CYFIP2: variants seen among roughly 807,000 people sequenced by gnomAD.
The protein encoded by CYFIP2 is cytoplasmic FMR1 interacting protein 2.
CYFIP2 carries 29 observed loss-of-function variants against 158.7 expected under a neutral mutation model. The observed-to-expected ratio is 0.18, with a 90% confidence interval of 0.14 to 0.25. The LOEUF (loss-of-function observed/expected upper bound fraction) is 0.25, where lower values mean the gene tolerates loss of function less well. Among genes scored for constraint, CYFIP2 ranks in the 10% least tolerant of loss-of-function variants. CYFIP2 has a pLI of 1.00. For synonymous variants in CYFIP2, 585 were observed against 617.6 expected (o/e 0.95, Z 0.78); for missense variants, 852 against 1,639.5 (o/e 0.52, Z 8.29).
intron 30 of CYFIP2, among the ~76,000 whole-genome samples, chr5:157,391,168 G>A (rs1003322244): frequency 3.9e-5 from 6 of 152,220 alleles, no homozygotes; most frequent in East Asian, 1.9e-4. Context: ...GGTATGGGGC[G>A]GGTAGGATGC....
At chr5:157,381,945 T>C (rs1487289783) in intron 26 of CYFIP2, among the ~76,000 whole-genome samples, 1 of 151,066 alleles carries the variant, frequency 6.6e-6, no homozygotes, top group Non-Finnish European at 1.5e-5. Context: ...ATTGTGAGCA[T>C]GTCCCAGGAC....
At chr5:157,388,881 A>G (rs901561746) in intron 28 of CYFIP2, among the ~76,000 whole-genome samples, 1 of 152,258 alleles carries the variant, frequency 6.6e-6, no homozygotes, top group African/African-American at 2.4e-5. Flanking sequence ...AAGCAGTAGT[A>G]CTACTAGTAG....
chr5:157,353,309 G>A (rs890162555), intron 23 of CYFIP2, among the ~76,000 whole-genome samples: 42 of 152,208 alleles, frequency 2.8e-4, no homozygotes, highest in African/African-American at 8.7e-4. Context: ...GAGTGTGACA[G>A]TGTTGATGTG....
In CYFIP2 at chr5:157,393,092, C is replaced by T. The variant is rs929168370; in HGVS notation, c.*92C>T. On this transcript the variant is annotated 3_prime_UTR_variant, in exon 31 of 31. Coordinates refer to ENST00000620254, the MANE Select transcript of CYFIP2 (RefSeq NM_001037333.3). Reference sequence around the variant, plus strand: ...CCTGCCATAGGATCCAACTGGACAACGTGTGGGATGGACCTGGAAACAAGC... The same window carrying T: ...CCTGCCATAGGATCCAACTGGACAATGTGTGGGATGGACCTGGAAACAAGC... 1.9e-5 allele frequency: 28 copies of T among 1,467,888 alleles called. No individual in the cohort carries two copies. Among genetic ancestry groups the T allele is most frequent in the East Asian group, 1.4e-4 (6 of 43,082 alleles). The allele number at this position is 1,467,888 out of a possible 1,614,324, so 90.9% of individuals were successfully genotyped here. A position where few individuals can be genotyped will look rare whatever the true frequency, so the allele number is the denominator to read the frequency against.
rs1177834153 is a variant in CYFIP2, at chr5:157,309,759, C to A, written c.917C>A (p.Pro306His). ...DKFFKQLQVV[P>H]LFGDMQIELA... ...CCTTTGCAGCAGCTGCAGGTGGTGC[C>A]CCTTTTCGGCGACATGCAGATAGAG... The change falls in exon 10 of 31, where the codon CCC becomes CAC. Residue 306 changes from proline (P) to histidine (H), a missense_variant. Around this residue, in one of 8 missense-constraint regions of CYFIP2, gnomAD observed 133 missense variants for 197.1 expected, o/e 0.67. Coordinates refer to ENST00000620254, the MANE Select transcript of CYFIP2 (RefSeq NM_001037333.3). The A allele has an allele frequency of 1.2e-6, 2 of 1,605,904 alleles. No individual in the cohort carries two copies. Among genetic ancestry groups the A allele is most frequent in the Non-Finnish European group, 1.7e-6 (2 of 1,176,366 alleles).
chr5:157,325,119 C>T (rs1760914875), intron 16 of CYFIP2, among the ~76,000 whole-genome samples: 1 of 152,098 alleles, frequency 6.6e-6, no homozygotes, highest in African/African-American at 2.4e-5. Context: ...GTATTATAGG[C>T]ATGAGCCTCT....
intron 5 of CYFIP2, among the ~76,000 whole-genome samples, chr5:157,298,929 C>T (rs1271223489): frequency 1.3e-5 from 2 of 152,180 alleles, no homozygotes; most frequent in Non-Finnish European, 2.9e-5. Context: ...GAATACCATT[C>T]CATTGTATGG....
Position 157,350,550 on chromosome 5 carries a change from G to A in CYFIP2, c.2674-8455G>A, listed in dbSNP as rs151201927. On this transcript the variant is annotated intron_variant, in intron 23 of 30. Coordinates refer to ENST00000620254, the MANE Select transcript of CYFIP2 (RefSeq NM_001037333.3). ...TAGCCTGATAGTATAGTTTGAAGTC[G>A]GGTAATGTGATGCCTCCAGATTTGC... Among the ~76,000 whole-genome samples the A allele has an allele frequency of 8.5e-3, 1,292 of 152,210 alleles. 2 individuals are homozygous for A. The highest frequency in any genetic ancestry group is 0.018 in the South Asian group (85 of 4,820).
intron 24 of CYFIP2, 60 bp downstream of exon 24, chr5:157,359,208 T>C: frequency 6.3e-7 from 1 of 1,598,562 alleles, no homozygotes; most frequent in Non-Finnish European, 8.6e-7. Flanking sequence ...ATAAACAAAG[T>C]TTGCTTTTAC....
intron 1 of CYFIP2, among the ~76,000 whole-genome samples, chr5:157,279,168 A>G (rs923505877): frequency 1.2e-4 from 18 of 152,222 alleles, no homozygotes; most frequent in African/African-American, 4.1e-4. Flanking sequence ...CTGTAGTTAT[A>G]TAATCAAAAT....
At chr5:157,323,610 G>T (rs1480693319) in intron 15 of CYFIP2, among the ~76,000 whole-genome samples, 1 of 152,170 alleles carries the variant, frequency 6.6e-6, no homozygotes, top group Non-Finnish European at 1.5e-5. Context: ...GGAAAGCAGG[G>T]AGTGACTCCA....
Position 157,333,415 on chromosome 5 carries a change from G to A in CYFIP2, c.2354G>A (p.Arg785His), listed in dbSNP as rs1435701430. The change falls in exon 21 of 31, where the codon CGC becomes CAC. Residue 785 changes from arginine to histidine, a missense_variant. This residue lies in a region of CYFIP2 where 191 missense variants were observed against 311.2 expected (regional missense o/e 0.61). Transcript: ENST00000620254. ...AAATCCTTGGACCAAGCTATCAGCCGCTTTGAGAGTGAGGACCTGACCTCC... is the reference window on the plus strand; with the variant it reads ...AAATCCTTGGACCAAGCTATCAGCCACTTTGAGAGTGAGGACCTGACCTCC... The part of the protein sequence containing the change: ...MYKSLDQAIS[R>H]FESEDLTSIV... The A allele has an allele frequency of 6.2e-7, 1 of 1,613,804 alleles. No individual in the cohort carries two copies. Among genetic ancestry groups the A allele is most frequent in the Non-Finnish European group, 8.5e-7 (1 of 1,179,870 alleles).
chr5:157,342,058 T>C (rs950817000), intron 23 of CYFIP2: 4 of 152,634 alleles, frequency 2.6e-5, no homozygotes, highest in African/African-American at 9.7e-5. Flanking sequence ...TTATTACCTC[T>C]CCAACACTGG....
intron 1 of CYFIP2, among the ~76,000 whole-genome samples, chr5:157,280,363 A>ATTTTTTTTTTTTT (rs57893061): frequency 7.5e-6 from 1 of 133,228 alleles, no homozygotes. Flanking sequence ...CGCCTGGCTA[A>ATTTTTTTTTTTTT]TTTTTTTTTT....
intron 18 of CYFIP2, 22 bp from the exon 19 acceptor site, chr5:157,327,951 T>C: frequency 3.1e-6 from 5 of 1,612,890 alleles, no homozygotes; most frequent in Non-Finnish European, 4.2e-6. Flanking sequence ...ACCAGTGATG[T>C]TTCCTGCTTC....
At chr5:157,331,927 G>C (rs879849793) in intron 20 of CYFIP2, among the ~76,000 whole-genome samples, 3 of 152,198 alleles carry the variant, frequency 2.0e-5, no homozygotes, top group Admixed American at 2.0e-4. Flanking sequence ...CTACATAGCA[G>C]CTGCAGTAAT....
In CYFIP2 at chr5:157,311,055, G is replaced by A; in HGVS notation, c.993-609G>A. 2.2e-6 allele frequency: 1 copy of A among 454,940 alleles called. No individual in the cohort carries two copies. The highest frequency in any genetic ancestry group is 4.4e-6 in the Non-Finnish European group (1 of 226,586). 28.2% of individuals were successfully genotyped at this position (454,940 alleles called of 1,614,324 possible). On this transcript the variant is annotated intron_variant, in intron 10 of 30. Transcript: ENST00000620254. This position sits in a 1 kb window ranked among gnomAD's most constrained non-coding sequence, Gnocchi z 4.7. Reference sequence around the variant, plus strand: ...AGGCGTGGAAAAAAGGCGGAGGGAAGGAGGAAAGAGGGTGGAAAGAGAAGG... The same window carrying A: ...AGGCGTGGAAAAAAGGCGGAGGGAAAGAGGAAAGAGGGTGGAAAGAGAAGG...
chr5:157,392,780 T>C (rs1767439833), intron 30 of CYFIP2, 53 bp from the exon 31 acceptor site: 1 of 1,592,500 alleles, frequency 6.3e-7, no homozygotes, highest in Admixed American at 1.7e-5. Context: ...TTACTCCCTC[T>C]TTCCACCCCC....
At chr5:157,314,912 A>C in intron 12 of CYFIP2, 57 bp from the exon 13 acceptor site, 4 of 1,348,628 alleles carry the variant, frequency 3.0e-6, no homozygotes, top group Non-Finnish European at 3.1e-6. Context: ...GATCCACCAC[A>C]TTCTGTTTGT....
Sources: gnomAD v4.1 joint callset for allele counts (sites outside exome capture counted in the v4.1 genomes callset) on GRCh38, gnomAD v4.1.1 for gene constraint, gnomAD v4.1.1 regional missense constraint, Gnocchi (gnomAD v3.1) non-coding constraint, MANE v1.5 for transcripts, NCBI Gene and HGNC (gene_info 2026-07-23, HGNC 2026-07-21) for gene names.